NUDT17: variants seen among roughly 807,000 people sequenced by gnomAD.
NUDT17 encodes the protein nudix hydrolase 17.
Under a neutral mutation model 38.6 loss-of-function variants are expected in NUDT17, and 38 were observed. That is an observed-to-expected ratio of 0.98 (90% CI 0.76 to 1.29). The LOEUF (loss-of-function observed/expected upper bound fraction) is 1.29. NUDT17 is among the 50% of genes most tolerant of loss of function. The pLI is 0.00. For synonymous variants in NUDT17, 192 were observed against 167.8 expected, an observed-to-expected ratio of 1.14 and a Z score of -1.11; for missense variants, 462 against 415.2, an observed-to-expected ratio of 1.11 and a Z score of -0.98.
chr1:145,847,447 CA>C, intron 5 of NUDT17, 99 bp downstream of exon 5: 1 of 1,403,006 alleles, frequency 7.1e-7, no homozygotes, highest in Admixed American at 1.7e-5. Flanking sequence ...CGGGGGTAGT[CA>C]GAGATAACGA....
At chr1:145,847,375 C>T (rs1553732831) in intron 5 of NUDT17, 27 bp downstream of exon 5, 3 of 1,553,800 alleles carry the variant, frequency 1.9e-6, no homozygotes, top group Non-Finnish European at 2.6e-6. Flanking sequence ...GGGAAGGAAA[C>T]AGGGCTCAGG....
intron 1 of NUDT17, 77 bp downstream of exon 1, chr1:145,845,909 C>A (rs781822108): frequency 6.6e-6 from 10 of 1,524,204 alleles, no homozygotes; most frequent in Middle Eastern, 1.7e-4. Flanking sequence ...GAACTGGCGG[C>A]GAGGACCCCG....
intron 7 of NUDT17, 41 bp downstream of exon 7, chr1:145,848,305 C>G: frequency 6.2e-7 from 1 of 1,613,220 alleles, no homozygotes; most frequent in Non-Finnish European, 8.5e-7. Flanking sequence ...CAGTACTGGG[C>G]TGGAATGGTC....
rs201063949 is a variant in NUDT17, at chr1:145,848,391, GTAAAA to G, written c.900_904del (p.Cys300TrpfsTer67). On this transcript the variant is annotated frameshift_variant, in exon 8 of 8. Transcript: ENST00000334513. LOFTEE classifies it low-confidence loss of function (END_TRUNC). ...TTCCTCCACAGAACACCCCCACCGT[GTAAAA>G]GTGCAGCTTACCTGGACCCAGGGCC... The G allele has an allele frequency of 0.034, 54,986 of 1,612,704 alleles. 1,077 individuals are homozygous for G. Among genetic ancestry groups the G allele is most frequent in the Non-Finnish European group, 0.039 (45,546 of 1,178,726 alleles).
rs1553732430 is a variant in NUDT17 at position 145,846,183 on chromosome 1, C to T, written c.363C>T (p.Leu121=). The change falls in exon 2 of 8, where the codon CTC becomes CTT. Residue 121 remains leucine (L), a synonymous_variant. Coordinates refer to ENST00000334513, the MANE Select transcript of NUDT17 (RefSeq NM_001012758.3). ...GCACCCTGAGCGTTTCCCCCAACCT[C>T]TGGGTACCCCCGGGTGAGTATTCTG... ...RARTLSVSPN[L]WVPPGGHVEL... is the part of the protein sequence containing the mutation. 3.1e-6 allele frequency: 5 copies of T among 1,588,940 alleles called. No homozygotes were observed. The South Asian group carries it at 5.7e-5, about 18-fold the overall frequency.
intron 3 of NUDT17, 34 bp from the exon 4 acceptor site, chr1:145,846,564 C>G: frequency 6.2e-7 from 1 of 1,606,320 alleles, no homozygotes; most frequent in Non-Finnish European, 8.5e-7. Flanking sequence ...GAGTCAGGCA[C>G]TGGCCCCTCT....
Position 145,845,673 on chromosome 1 carries a change from C to T in NUDT17, c.33C>T (p.Ser11=). The T allele has an allele frequency of 2.6e-6, 4 of 1,535,150 alleles. No homozygotes were observed. The highest frequency in any genetic ancestry group is 1.2e-5 in the South Asian group (1 of 83,688). MAEVRVQLLL[S]RRPESVSFAR... Reference sequence around the variant, plus strand: ...AGGTGCGGGTGCAGCTGCTCCTGTCCCGGCGTCCGGAGTCGGTGAGCTTCG... The same window carrying T: ...AGGTGCGGGTGCAGCTGCTCCTGTCTCGGCGTCCGGAGTCGGTGAGCTTCG... The change falls in exon 1 of 8, where the codon TCC becomes TCT. Residue 11 remains serine (S), a synonymous_variant. Transcript: ENST00000334513.
chr1:145,845,933 G>C (rs782178134), intron 1 of NUDT17, 80 bp from the exon 2 acceptor site: 1 of 1,533,564 alleles, frequency 6.5e-7, no homozygotes, highest in South Asian at 1.2e-5. Context: ...CCAACGCGCG[G>C]TGTAGCCCCA....
At position 145,845,650 on chromosome 1, in the gene NUDT17, G is replaced by A. The variant is rs1040502375; in HGVS notation, c.10G>A (p.Val4Met). 6 of 1,520,240 alleles carry A rather than the reference G, an allele frequency of 3.9e-6. No individual in the cohort carries two copies. Among genetic ancestry groups the A allele is most frequent in the Non-Finnish European group, 5.3e-6 (6 of 1,125,724 alleles). 94.2% of individuals were successfully genotyped at this position (1,520,240 alleles called of 1,614,324 possible). A position where few individuals can be genotyped will look rare whatever the true frequency, so the allele number is the denominator to read the frequency against. Residue 4 changes from valine to methionine, a missense_variant, in exon 1 of 8, where the codon GTG (valine) becomes ATG (methionine). Val to Met is a conservative substitution (Grantham distance 21). Transcript: ENST00000334513. ...ACTCCAGAGTCGCGTTATGGCCGAG[G>A]TGCGGGTGCAGCTGCTCCTGTCCCG... is the stretch of plus-strand genomic sequence containing the variant. MAE[V>M]RVQLLLSRRP...
chr1:145,845,790 G>C lies in NUDT17; in HGVS notation c.150G>C (p.Ser50=), dbSNP rs1330476395. The change falls in exon 1 of 8, where the codon TCG becomes TCC. Residue 50 remains serine, a synonymous_variant. Coordinates refer to ENST00000334513, the MANE Select transcript of NUDT17 (RefSeq NM_001012758.3). ...CSLKRGRLVL[S]SRPFPGASAR... is the part of the protein sequence containing the mutation. ...TGAAGCGAGGACGGCTTGTCCTCTC[G>C]AGCAGGCCCTTCCCAGGCGCCTCCG... The C allele has an allele frequency of 2.8e-5, 44 of 1,595,840 alleles. No individual in the cohort carries two copies. Among genetic ancestry groups the C allele is most frequent in the Non-Finnish European group, 3.6e-5 (42 of 1,172,326 alleles).
chr1:145,847,150 C>T (rs180741054), intron 4 of NUDT17, 100 bp from the exon 5 acceptor site: 7 of 685,630 alleles, frequency 1.0e-5, no homozygotes, highest in African/African-American at 7.2e-5. Context: ...GCCAAGATCA[C>T]GCCATTGCAT....
At chr1:145,846,752 G>A in intron 4 of NUDT17, 62 bp downstream of exon 4, 15 of 1,139,808 alleles carry the variant, frequency 1.3e-5, no homozygotes, top group Non-Finnish European at 2.0e-5. Context: ...TTGGCTACAA[G>A]GGAAACAATA....
Position 145,845,640 on chromosome 1 carries a change from T to C in NUDT17, c.-1T>C, listed in dbSNP as rs2101667431. On this transcript the variant is annotated 5_prime_UTR_variant, in exon 1 of 8. Transcript: ENST00000334513. ...GGCCGCAGCGACTCCAGAGTCGCGTTATGGCCGAGGTGCGGGTGCAGCTGC... is the reference window on the plus strand; with the variant it reads ...GGCCGCAGCGACTCCAGAGTCGCGTCATGGCCGAGGTGCGGGTGCAGCTGC... The C allele has an allele frequency of 6.6e-7, 1 of 1,513,066 alleles. No individual in the cohort carries two copies. Among genetic ancestry groups the C allele is most frequent in the Non-Finnish European group, 8.9e-7 (1 of 1,122,146 alleles). The allele number at this position is 1,513,066 out of a possible 1,614,324, so 93.7% of individuals were successfully genotyped here.
chr1:145,848,284 G>T lies in NUDT17; in HGVS notation c.884+20G>T. The T allele has an allele frequency of 1.9e-6, 3 of 1,614,036 alleles. No homozygotes were observed. Among genetic ancestry groups the T allele is most frequent in the Middle Eastern group, 1.6e-4 (1 of 6,062 alleles). Reference sequence around the variant, plus strand: ...GGGCAGGTAAAAGTGAAAAAGGACTGGAGAGCTCCACAGTACTGGGCTGGA... The same window carrying T: ...GGGCAGGTAAAAGTGAAAAAGGACTTGAGAGCTCCACAGTACTGGGCTGGA... On this transcript the variant is annotated intron_variant, in intron 7 of 7. Coordinates refer to ENST00000334513, the MANE Select transcript of NUDT17 (RefSeq NM_001012758.3).
Position 145,846,680 on chromosome 1 carries a change from G to C in NUDT17, c.485G>C (p.Gly162Ala). ...PQGQFSWVPL[G>A]LWESAYPPRL... ...GGCCAGTTCTCTTGGGTCCCTCTGG[G>C]TTTATGGGAGGTGAGACAAGTAGCT... Residue 162 changes from glycine to alanine, a missense_variant, in exon 4 of 8, where the codon GGT becomes GCT. Physicochemically the swap from Gly to Ala is moderately conservative, Grantham distance 60 (BLOSUM62 0). Coordinates refer to ENST00000334513, the MANE Select transcript of NUDT17 (RefSeq NM_001012758.3). The C allele has an allele frequency of 6.2e-7, 1 of 1,611,582 alleles. No individual in the cohort carries two copies. Among genetic ancestry groups the C allele is most frequent in the South Asian group, 1.1e-5 (1 of 91,034 alleles).
chr1:145,845,907 G>A, intron 1 of NUDT17, 75 bp downstream of exon 1: 1 of 1,528,496 alleles, frequency 6.5e-7, no homozygotes, highest in Non-Finnish European at 8.9e-7. Context: ...GGGAACTGGC[G>A]GCGAGGACCC....
chr1:145,847,013 G>A (rs587695651), intron 4 of NUDT17, among the ~76,000 whole-genome samples: 5 of 152,284 alleles, frequency 3.3e-5, no homozygotes, highest in South Asian at 4.1e-4. Context: ...ACAACATGGC[G>A]AAACCCCGTC....
rs1326546836 is a variant in NUDT17, at chr1:145,848,642, ACAGGGTCCTTCCACCTCCCTGGAAAGGTG to A, written c.*167_*195del. Reference sequence around the variant, plus strand: ...GAAAAAGAAGATTGGGAAGGAGGGCACAGGGTCCTTCCACCTCCCTGGAAAGGTGCAGAATGAGCCAGGCCTAACTACAG... The same window carrying A: ...GAAAAAGAAGATTGGGAAGGAGGGCACAGAATGAGCCAGGCCTAACTACAG... On this transcript the variant is annotated 3_prime_UTR_variant, in exon 8 of 8. Transcript: ENST00000334513. The A allele has an allele frequency of 3.3e-6, 2 of 610,478 alleles. No individual in the cohort carries two copies. The highest frequency in any genetic ancestry group is 3.7e-5 in the African/African-American group (2 of 54,174). 37.8% of individuals were successfully genotyped at this position (610,478 alleles called of 1,614,324 possible).
chr1:145,845,967 G>GT (rs782581608), intron 1 of NUDT17, 46 bp from the exon 2 acceptor site: 2 of 1,560,414 alleles, frequency 1.3e-6, no homozygotes, highest in South Asian at 2.3e-5. Flanking sequence ...CGCCCACCCA[G>GT]TGCCGCCCTT....
Sources: allele counts gnomAD v4.1 joint callset (sites outside exome capture counted in the v4.1 genomes callset), GRCh38; gene constraint gnomAD v4.1.1; transcripts MANE v1.5; gene names NCBI Gene and HGNC (gene_info 2026-07-23, HGNC 2026-07-21).